Variants in DENND1A observed in about 807,000 individuals in gnomAD.
The protein encoded by DENND1A is DENN domain-containing protein 1A.
Under a neutral mutation model 113.7 loss-of-function variants are expected in DENND1A, and 51 were observed. The ratio of observed to expected loss-of-function variants is 0.45; its 90% confidence interval spans 0.36 to 0.57. The LOEUF is 0.57. Among genes scored for constraint, DENND1A ranks in the 20% least tolerant of loss-of-function variants. DENND1A has a pLI of 0.00. For synonymous variants in DENND1A, 565 were observed against 570.8 expected (o/e 0.99, Z 0.14); for missense variants, 1,258 against 1,395.9 (o/e 0.90, Z 1.57).
chr9:123,791,537 T>C (rs544864740), intron 3 of DENND1A, among the ~76,000 whole-genome samples: 2 of 152,300 alleles, frequency 1.3e-5, no homozygotes, highest in Non-Finnish European at 2.9e-5. Context: ...TTACAAAGCA[T>C]CTCATTATAC....
chr9:123,852,088 C>T (rs1203823542), intron 2 of DENND1A, among the ~76,000 whole-genome samples: 2 of 152,198 alleles, frequency 1.3e-5, no homozygotes, highest in Non-Finnish European at 2.9e-5. Flanking sequence ...TTTAAACAAT[C>T]AGTGTCTTCG....
chr9:123,848,852 A>C (rs964017368), intron 2 of DENND1A, among the ~76,000 whole-genome samples: 3 of 152,260 alleles, frequency 2.0e-5, no homozygotes, highest in Non-Finnish European at 4.4e-5. Flanking sequence ...TGGACAGATC[A>C]AACCAGCCAC....
At chr9:123,678,661 G>A (rs145344906) in intron 5 of DENND1A, among the ~76,000 whole-genome samples, 2,042 of 152,312 alleles carry the variant, frequency 0.013, 17 homozygotes, top group Middle Eastern at 0.051. Flanking sequence ...TGTCATTAAC[G>A]TCTGTCTAAA....
At chr9:123,791,208 A>G (rs1393798771) in intron 3 of DENND1A, among the ~76,000 whole-genome samples, 1 of 152,170 alleles carries the variant, frequency 6.6e-6, no homozygotes, top group Non-Finnish European at 1.5e-5. Flanking sequence ...CTTTAGAACA[A>G]TAATTTTGTT....
At chr9:123,755,448 T>A (rs1379294710) in intron 5 of DENND1A, among the ~76,000 whole-genome samples, 1 of 151,894 alleles carries the variant, frequency 6.6e-6, no homozygotes, top group Non-Finnish European at 1.5e-5. Context: ...CTGGCCAATA[T>A]GTGGATTTTT....
intron 2 of DENND1A, among the ~76,000 whole-genome samples, chr9:123,825,256 T>C (rs966336431): frequency 2.0e-5 from 3 of 151,716 alleles, no homozygotes; most frequent in Non-Finnish European, 4.4e-5. Context: ...CACAATCAAT[T>C]AGTGAAAGTA....
intron 10 of DENND1A, among the ~76,000 whole-genome samples, chr9:123,626,913 C>T (rs183467622): frequency 1.6e-4 from 25 of 152,334 alleles, no homozygotes; most frequent in Non-Finnish European, 2.9e-4. Flanking sequence ...TGGCTTTGGA[C>T]AGACTGCTCT....
chr9:123,878,921 C>T (rs1442779038), intron 2 of DENND1A, 30 bp downstream of exon 2: 5 of 1,609,650 alleles, frequency 3.1e-6, no homozygotes, highest in Admixed American at 3.3e-5. Flanking sequence ...ATAAGTAACA[C>T]ACCATATCAT....
chr9:123,567,122 G>T (rs2058098921), intron 12 of DENND1A, among the ~76,000 whole-genome samples: 1 of 152,094 alleles, frequency 6.6e-6, no homozygotes, highest in African/African-American at 2.4e-5. Context: ...TATTTATCCG[G>T]GGAGTGTTTT....
chr9:123,385,363 C>G (rs1289841572), intron 22 of DENND1A, among the ~76,000 whole-genome samples: 4 of 152,190 alleles, frequency 2.6e-5, no homozygotes, highest in African/African-American at 9.7e-5. Context: ...CGGGGTTTCA[C>G]TATGTTGGCC....
At chr9:123,781,027 A>G (rs1345552749) in intron 3 of DENND1A, among the ~76,000 whole-genome samples, 2 of 152,172 alleles carry the variant, frequency 1.3e-5, no homozygotes, top group East Asian at 3.8e-4. Flanking sequence ...AAGGATGGAG[A>G]TTGAGAATCT....
intron 2 of DENND1A, among the ~76,000 whole-genome samples, chr9:123,855,000 G>C (rs1401111462): frequency 1.3e-5 from 2 of 151,184 alleles, no homozygotes; most frequent in Non-Finnish European, 2.9e-5. Flanking sequence ...AGATACTCTA[G>C]AAGTAAATGT....
chr9:123,826,227 C>T (rs576231557), intron 2 of DENND1A, among the ~76,000 whole-genome samples: 1 of 152,046 alleles, frequency 6.6e-6, no homozygotes, highest in South Asian at 2.1e-4. Flanking sequence ...CAAAGTGAGA[C>T]CCCTATCTCT....
chr9:123,777,600 T>C (rs1407229471), intron 3 of DENND1A, among the ~76,000 whole-genome samples: 1 of 152,248 alleles, frequency 6.6e-6, no homozygotes, highest in African/African-American at 2.4e-5. Context: ...AATATGGAAC[T>C]GAAATCATCA....
chr9:123,775,823 C>A (rs1282857601), intron 3 of DENND1A, among the ~76,000 whole-genome samples: 1 of 152,216 alleles, frequency 6.6e-6, no homozygotes, highest in South Asian at 2.1e-4. Context: ...TGAGGTCTCA[C>A]TCCTTTTACA....
chr9:123,783,766 A>T (rs536272407), intron 3 of DENND1A, among the ~76,000 whole-genome samples: 20 of 152,334 alleles, frequency 1.3e-4, no homozygotes, highest in Middle Eastern at 6.8e-3. Flanking sequence ...GAGCAATTAC[A>T]TCTGTGTATC....
chr9:123,928,587 T>C (rs1196454222), intron 1 of DENND1A: 1 of 985,338 alleles, frequency 1.0e-6, no homozygotes, highest in Non-Finnish European at 1.2e-6. Flanking sequence ...CTCTTCCATT[T>C]TCATTACCAT....
At chr9:123,901,775 C>T (rs551724467) in intron 1 of DENND1A, among the ~76,000 whole-genome samples, 4 of 152,170 alleles carry the variant, frequency 2.6e-5, no homozygotes, top group East Asian at 3.9e-4. Context: ...GAGGCTGAGG[C>T]GGGTGGATCA....
chr9:123,785,184 AT>A lies in DENND1A; in HGVS notation c.132+7402del, dbSNP rs200647398. Among the ~76,000 whole-genome samples, 19 of 150,214 alleles carry A rather than the reference AT, an allele frequency of 1.3e-4. No homozygotes were observed. In the East Asian group the frequency reaches 1.6e-3, roughly 12 times the overall value. On this transcript the variant is annotated intron_variant, in intron 3 of 23. Transcript: ENST00000394215. Reference sequence around the variant, plus strand: ...GTAAGACCCCCGTCTCTAAAAAAAGATTTTTTTTTTAAATTAGGCAGCATGG... The same window carrying A: ...GTAAGACCCCCGTCTCTAAAAAAAGATTTTTTTTTAAATTAGGCAGCATGG...
Sources: gnomAD v4.1 joint callset for allele counts (sites outside exome capture counted in the v4.1 genomes callset) on GRCh38, gnomAD v4.1.1 for gene constraint, MANE v1.5 for transcripts, NCBI Gene and HGNC (gene_info 2026-07-23, HGNC 2026-07-21) for gene names.